CDH18: variants seen among roughly 807,000 people sequenced by gnomAD.
The protein encoded by CDH18 is cadherin-18.
In CDH18, 31 loss-of-function variants were observed where a neutral mutation model predicts 67.9. That is an observed-to-expected ratio of 0.46 (90% confidence interval 0.34 to 0.62). CDH18 has a LOEUF of 0.62. Among genes scored for constraint, CDH18 ranks in the 20% least tolerant of loss-of-function variants. The pLI, the probability that CDH18 is intolerant of heterozygous loss-of-function variation, is 0.01. For synonymous variants in CDH18, 362 were observed against 347.2 expected (o/e 1.04, Z -0.48); for missense variants, 890 against 975.5 (o/e 0.91, Z 1.17).
At chr5:20,514,137 C>T (rs1282849257) in intron 1 of CDH18, among the ~76,000 whole-genome samples, 1 of 152,082 alleles carries the variant, frequency 6.6e-6, no homozygotes, top group East Asian at 1.9e-4. Flanking sequence ...TGCATATAGA[C>T]CTGCTTGAGA....
chr5:20,345,209 A>G (rs1437629464), intron 1 of CDH18, among the ~76,000 whole-genome samples: 1 of 152,128 alleles, frequency 6.6e-6, no homozygotes, highest in East Asian at 1.9e-4. Flanking sequence ...ATTATTTGGA[A>G]TCAGACTTCC....
intron 1 of CDH18, among the ~76,000 whole-genome samples, chr5:20,326,983 T>TA (rs1352553702): frequency 1.3e-5 from 2 of 152,244 alleles, no homozygotes; most frequent in African/African-American, 4.8e-5. Context: ...TGACCCTTGT[T>TA]AAAACACACT....
chr5:19,822,564 G>A (rs1446720694), intron 3 of CDH18, among the ~76,000 whole-genome samples: 1 of 152,172 alleles, frequency 6.6e-6, no homozygotes, highest in Non-Finnish European at 1.5e-5. Context: ...TCACATGTCA[G>A]TAGGTTCCGT....
chr5:19,669,148 TATA>T (rs377576660), intron 5 of CDH18, among the ~76,000 whole-genome samples: 1,493 of 146,902 alleles, frequency 0.01, 11 homozygotes, highest in Middle Eastern at 0.014. Flanking sequence ...ATACATTATA[TATA>T]ATATCATATA....
chr5:19,835,594 G>A (rs1781537499), intron 3 of CDH18, among the ~76,000 whole-genome samples: 1 of 151,896 alleles, frequency 6.6e-6, no homozygotes, highest in African/African-American at 2.4e-5. Context: ...TAAAATAATG[G>A]CACAGAAGGG....
chr5:19,864,115 C>T lies in CDH18; in HGVS notation c.-256-24873G>A, dbSNP rs1166960398. ...GCGGCACTATTCACAACAGCAAAGA[C>T]TTGGAACCAACCCAAATGTCCAACA... is the stretch of plus-strand genomic sequence containing the variant. On this transcript the variant is annotated intron_variant, in intron 2 of 12. Coordinates refer to ENST00000382275, the MANE Select transcript of CDH18 (RefSeq NM_004934.5). Among the ~76,000 whole-genome samples, 8 of 150,994 alleles carry T rather than the reference C, an allele frequency of 5.3e-5. 1 individual carries two copies. In the South Asian group the frequency reaches 1.7e-3, roughly 32 times the overall value.
At chr5:20,246,434 T>C (rs1165296911) in intron 2 of CDH18, among the ~76,000 whole-genome samples, 1 of 152,222 alleles carries the variant, frequency 6.6e-6, no homozygotes, top group Non-Finnish European at 1.5e-5. Flanking sequence ...CTCTTTTAAA[T>C]AGCAGATCTG....
intron 2 of CDH18, among the ~76,000 whole-genome samples, chr5:20,105,508 C>T (rs1452335000): frequency 6.6e-6 from 1 of 152,130 alleles, no homozygotes; most frequent in Non-Finnish European, 1.5e-5. Context: ...CAGTGTTGAG[C>T]AATCATTACC....
intron 1 of CDH18, among the ~76,000 whole-genome samples, chr5:20,529,015 A>G (rs1237677195): frequency 6.6e-6 from 1 of 152,142 alleles, no homozygotes; most frequent in East Asian, 1.9e-4. Flanking sequence ...CATAAAGAAG[A>G]AAAGAGAGAA....
At position 20,222,851 on chromosome 5, in the gene CDH18, T is replaced by C. The variant is rs150332880; in HGVS notation, c.-518+32593A>G. Reference sequence around the variant, plus strand: ...GCCTGATTTCCTCATAGTCATTCATTCTTGAGTTTACATTTTTAAAAATAT... The same window carrying C: ...GCCTGATTTCCTCATAGTCATTCATCCTTGAGTTTACATTTTTAAAAATAT... On this transcript the variant is annotated intron_variant, in intron 2 of 14. Coordinates refer to the CDH18 transcript ENST00000507958. Among the ~76,000 whole-genome samples the C allele has an allele frequency of 2.7e-3, 417 of 152,240 alleles. 7 individuals carry two copies. In the East Asian group the frequency reaches 0.045, roughly 16 times the overall value.
chr5:19,805,817 C>T (rs957830961), intron 3 of CDH18, among the ~76,000 whole-genome samples: 8 of 152,102 alleles, frequency 5.3e-5, no homozygotes, highest in African/African-American at 1.7e-4. Context: ...TTGTCAAATT[C>T]CTGTCTAGAT....
At chr5:19,683,860 T>G (rs1335321167) in intron 5 of CDH18, among the ~76,000 whole-genome samples, 1 of 152,140 alleles carries the variant, frequency 6.6e-6, no homozygotes, top group African/African-American at 2.4e-5. Context: ...GTCCCCTGTT[T>G]CACTGTTTCT....
At chr5:19,882,564 A>T (rs1041666111) in intron 2 of CDH18, among the ~76,000 whole-genome samples, 1 of 152,164 alleles carries the variant, frequency 6.6e-6, no homozygotes, top group Admixed American at 6.6e-5. Flanking sequence ...TATATTAAAA[A>T]TACTAAGGAC....
At chr5:19,507,595 G>A (rs981912674) in intron 10 of CDH18, among the ~76,000 whole-genome samples, 7 of 152,128 alleles carry the variant, frequency 4.6e-5, no homozygotes, top group African/African-American at 1.7e-4. Flanking sequence ...ATGAGTTCAT[G>A]TCCTTTGTAG....
rs140649473 is a variant in CDH18 at position 20,428,843 on chromosome 5, A to G, written c.-580+146619T>C. Among the ~76,000 whole-genome samples, 1,357 of 152,308 alleles carry G rather than the reference A, an allele frequency of 8.9e-3. 20 individuals carry two copies. The highest frequency in any genetic ancestry group is 0.031 in the African/African-American group (1,297 of 41,568). On this transcript the variant is annotated intron_variant, in intron 1 of 14. Transcript: ENST00000507958. Reference sequence around the variant, plus strand: ...TTTTTTTCTCAGATATAGGAAAACAATAAAGCAAGAAAAAGTAATTAGAAA... The same window carrying G: ...TTTTTTTCTCAGATATAGGAAAACAGTAAAGCAAGAAAAAGTAATTAGAAA...
chr5:20,268,727 C>T (rs1745224215), intron 1 of CDH18, among the ~76,000 whole-genome samples: 1 of 151,948 alleles, frequency 6.6e-6, no homozygotes, highest in Admixed American at 6.6e-5. Context: ...GACCCTATCT[C>T]AACAACAACG....
At chr5:20,443,865 C>G (rs1253023214) in intron 1 of CDH18, among the ~76,000 whole-genome samples, 1 of 151,800 alleles carries the variant, frequency 6.6e-6, no homozygotes. Flanking sequence ...AACTATATGA[C>G]TAATTGGAAG....
rs182338967 is a variant in CDH18 at position 19,614,688 on chromosome 5, T to C, written c.644-2087A>G. Among the ~76,000 whole-genome samples the C allele has an allele frequency of 2.8e-3, 421 of 152,200 alleles. 2 individuals carry two copies. The highest frequency in any genetic ancestry group is 3.5e-3 in the Non-Finnish European group (240 of 68,004). ...ATTAGTGAGTTTTGCAAAATAGATA[T>C]GTAAAGGTAAAACTAAGTATTATGA... On this transcript the variant is annotated intron_variant, in intron 5 of 12. Transcript: ENST00000382275.
intron 9 of CDH18, among the ~76,000 whole-genome samples, chr5:19,533,979 T>A (rs538305563): frequency 6.6e-6 from 1 of 152,288 alleles, no homozygotes; most frequent in Non-Finnish European, 1.5e-5. Flanking sequence ...TTGAAGTTTC[T>A]TTTGAATAAA....
Sources: gnomAD v4.1 joint callset for allele counts (sites outside exome capture counted in the v4.1 genomes callset) on GRCh38, gnomAD v4.1.1 for gene constraint, MANE v1.5 for transcripts, NCBI Gene and HGNC (gene_info 2026-07-23, HGNC 2026-07-21) for gene names.